The following MYO16 variants were observed in gnomAD, a reference collection of about 807,000 sequenced individuals.
MYO16 encodes myosin XVI.
MYO16 carries 94 observed loss-of-function variants against 205.3 expected under a neutral mutation model. The ratio of observed to expected loss-of-function variants is 0.46; its 90% CI spans 0.39 to 0.54. The LOEUF is 0.54. Among genes scored for constraint, MYO16 ranks in the 20% least tolerant of loss-of-function variants. The pLI is 0.00. For missense variants in MYO16, 2,315 were observed against 2,387.5 expected, an observed-to-expected ratio of 0.97 and a Z score of 0.63; for synonymous variants, 988 against 954.0, an observed-to-expected ratio of 1.04 and a Z score of -0.66.
At chr13:109,110,000 C>T (rs1889236499) in intron 28 of MYO16, among the ~76,000 whole-genome samples, 1 of 152,224 alleles carries the variant, frequency 6.6e-6, no homozygotes. Context: ...TAAATGCCAT[C>T]AACTTGGCAG....
chr13:108,904,363 A>G, intron 15 of MYO16, among the ~76,000 whole-genome samples: 1 of 152,242 alleles, frequency 6.6e-6, no homozygotes, highest in Admixed American at 6.5e-5. Flanking sequence ...ATAAAAAGTT[A>G]CTGTATAAGT....
At chr13:108,870,527 CAAG>C (rs1221353389) in intron 12 of MYO16, among the ~76,000 whole-genome samples, 18 of 151,994 alleles carry the variant, frequency 1.2e-4, no homozygotes, top group Non-Finnish European at 2.4e-4. Flanking sequence ...ATTTTCTTTG[CAAG>C]AAGGTTTTAG....
At position 108,855,490 on chromosome 13, in the gene MYO16, C is replaced by T. The variant is rs140445068; in HGVS notation, c.1296C>T (p.Ser432=). The part of the protein sequence containing the change: ...PAPNDDLATL[S]ELNDGSLLYE... ...CAAACGATGACCTGGCAACGCTCAG[C>T]GAGCTCAATGATGGCAGCCTGCTCT... The change falls in exon 11 of 35, where the codon AGC becomes AGT. Residue 432 remains serine (S), a synonymous_variant. Transcript: ENST00000457511. 863 of 1,596,986 alleles carry T rather than the reference C, an allele frequency of 5.4e-4. No homozygotes were observed. Among genetic ancestry groups the T allele is most frequent in the Non-Finnish European group, 6.7e-4 (785 of 1,166,864 alleles).
the MYO16 span, among the ~76,000 whole-genome samples, chr13:108,541,597 G>C: frequency 6.6e-6 from 1 of 151,894 alleles, no homozygotes; most frequent in East Asian, 1.9e-4. Flanking sequence ...ACCATAAAAA[G>C]TTTTCATTAT....
At chr13:108,974,149 A>G (rs548672503) in intron 20 of MYO16, among the ~76,000 whole-genome samples, 1 of 152,314 alleles carries the variant, frequency 6.6e-6, no homozygotes, top group South Asian at 2.1e-4. Flanking sequence ...TTCAGTTTGT[A>G]TACTATTAGT....
chr13:108,713,271 C>T (rs1029321229), intron 3 of MYO16, among the ~76,000 whole-genome samples: 9 of 151,984 alleles, frequency 5.9e-5, no homozygotes, highest in Non-Finnish European at 8.8e-5. Flanking sequence ...AGGTAAAAGT[C>T]AACAAGTATT....
At chr13:108,786,823 C>T (rs540709221) in intron 5 of MYO16, among the ~76,000 whole-genome samples, 1 of 152,278 alleles carries the variant, frequency 6.6e-6, no homozygotes, top group East Asian at 1.9e-4. Context: ...GTTGGGTTAG[C>T]AGTGCATTCA....
chr13:109,063,098 A>G (rs141081695), intron 27 of MYO16, among the ~76,000 whole-genome samples: 241 of 152,308 alleles, frequency 1.6e-3, no homozygotes, highest in Admixed American at 3.9e-3. Context: ...GAAGTCTGAC[A>G]TGACAATAAA....
intron 1 of MYO16, among the ~76,000 whole-genome samples, chr13:108,640,411 G>A (rs1880452486): frequency 6.6e-6 from 1 of 152,116 alleles, no homozygotes; most frequent in South Asian, 2.1e-4. Context: ...GCAATTGGAA[G>A]GGAATGAAGA....
the MYO16 span, among the ~76,000 whole-genome samples, chr13:108,576,463 A>C: frequency 6.6e-6 from 1 of 152,324 alleles, no homozygotes; most frequent in African/African-American, 2.4e-5. Context: ...GTGAAATGGA[A>C]GAGTAAAATG....
chr13:109,108,471 C>T (rs1033538378), intron 28 of MYO16, among the ~76,000 whole-genome samples: 1 of 152,216 alleles, frequency 6.6e-6, no homozygotes, highest in Non-Finnish European at 1.5e-5. Context: ...CTGACTAGGC[C>T]TATGCCTAAT....
intron 1 of MYO16, among the ~76,000 whole-genome samples, chr13:108,617,875 T>G (rs1879404428): frequency 6.6e-6 from 1 of 152,154 alleles, no homozygotes; most frequent in South Asian, 2.1e-4. Context: ...GTCTTTCCCT[T>G]ACACCATCCC....
intron 20 of MYO16, among the ~76,000 whole-genome samples, chr13:108,977,560 T>C (rs547977529): frequency 1.3e-5 from 2 of 152,278 alleles, no homozygotes; most frequent in East Asian, 3.9e-4. Context: ...ATAGACATTC[T>C]GTTCCTACCG....
rs529948953 is a variant in MYO16, at chr13:109,182,980, G to A, written c.5415+3347G>A. 1.4e-3 allele frequency among the ~76,000 whole-genome samples: 206 copies of A among 152,268 alleles called. 2 individuals carry two copies. The highest frequency in any genetic ancestry group is 4.5e-3 in the African/African-American group (188 of 41,546). On this transcript the variant is annotated intron_variant, in intron 34 of 34. Coordinates refer to ENST00000457511, the MANE Select transcript of MYO16 (RefSeq NM_001198950.3). Reference sequence around the variant, plus strand: ...ATGAATAAAACTGGCTGTGAGATACGACATCATGGAATTCCACACACTGGC... The same window carrying A: ...ATGAATAAAACTGGCTGTGAGATACAACATCATGGAATTCCACACACTGGC...
chr13:109,150,713 C>T (rs999830975), intron 32 of MYO16, among the ~76,000 whole-genome samples: 5 of 152,210 alleles, frequency 3.3e-5, no homozygotes, highest in Admixed American at 6.5e-5. Context: ...GAAAATAAGG[C>T]AGACTTCTCA....
chr13:108,878,031 C>A (rs904547201), intron 12 of MYO16, among the ~76,000 whole-genome samples: 1 of 152,032 alleles, frequency 6.6e-6, no homozygotes, highest in South Asian at 2.1e-4. Flanking sequence ...GTTTTCTTTA[C>A]CTAAATAGAT....
the MYO16 span, among the ~76,000 whole-genome samples, chr13:108,587,708 T>A: frequency 6.6e-6 from 1 of 152,130 alleles, no homozygotes; most frequent in Non-Finnish European, 1.5e-5. Flanking sequence ...TATACATATA[T>A]AACCAACATT....
At chr13:108,797,880 T>C (rs1886839655) in intron 6 of MYO16, among the ~76,000 whole-genome samples, 1 of 152,236 alleles carries the variant, frequency 6.6e-6, no homozygotes, top group South Asian at 2.1e-4. Flanking sequence ...AGAGAAGCTA[T>C]TGAAGTAATC....
chr13:108,565,000 A>G, the MYO16 span, among the ~76,000 whole-genome samples: 1 of 152,114 alleles, frequency 6.6e-6, no homozygotes, highest in African/African-American at 2.4e-5. Flanking sequence ...ATGCTCTTCC[A>G]TTGGTCTATG....
Sources: gnomAD v4.1 joint callset for allele counts (sites outside exome capture counted in the v4.1 genomes callset) on GRCh38, gnomAD v4.1.1 for gene constraint, MANE v1.5 for transcripts, NCBI Gene and HGNC (gene_info 2026-07-23, HGNC 2026-07-21) for gene names.